The following CAMK1D variants were observed in gnomAD, a reference collection of about 807,000 sequenced individuals.
CAMK1D encodes calcium/calmodulin-dependent protein kinase type 1D.
CAMK1D carries 9 observed loss-of-function variants against 47.7 expected under a neutral mutation model. That is an observed-to-expected ratio of 0.19 (90% confidence interval 0.11 to 0.33). The LOEUF (loss-of-function observed/expected upper bound fraction) is 0.33, where lower values mean the gene tolerates loss of function less well. CAMK1D is among the 10% of genes least tolerant of loss of function. The pLI, the probability that CAMK1D is intolerant of heterozygous loss-of-function variation, is 1.00. For synonymous variants in CAMK1D, 184 were observed against 184.9 expected (o/e 0.99, Z 0.04); for missense variants, 291 against 488.7 (o/e 0.60, Z 3.81).
chr10:12,810,151 TAA>T (rs749675063), intron 6 of CAMK1D, among the ~76,000 whole-genome samples: 26 of 81,360 alleles, frequency 3.2e-4, no homozygotes, highest in Middle Eastern at 7.9e-3. Flanking sequence ...CCTGTCTCAT[TAA>T]AAAAAAAAAA....
At chr10:12,441,105 G>A (rs1011479206) in intron 1 of CAMK1D, among the ~76,000 whole-genome samples, 9 of 152,156 alleles carry the variant, frequency 5.9e-5, no homozygotes, top group Admixed American at 4.6e-4. Context: ...CCAATCATAC[G>A]TCAGCATGAC....
intron 6 of CAMK1D, among the ~76,000 whole-genome samples, chr10:12,811,594 A>G (rs965464737): frequency 6.6e-6 from 1 of 152,260 alleles, no homozygotes; most frequent in East Asian, 1.9e-4. Context: ...ACGGAAAGAA[A>G]AAAGAGCTAA....
At chr10:12,542,299 GC>G (rs989259635) in intron 1 of CAMK1D, among the ~76,000 whole-genome samples, 74 of 152,270 alleles carry the variant, frequency 4.9e-4, no homozygotes, top group African/African-American at 1.5e-3. Flanking sequence ...ACGTCTGCAG[GC>G]CCAGTTACAC....
intron 3 of CAMK1D, among the ~76,000 whole-genome samples, chr10:12,677,928 T>C (rs1481237318): frequency 1.3e-5 from 2 of 152,226 alleles, no homozygotes; most frequent in Non-Finnish European, 2.9e-5. Context: ...CTGCTGCTGC[T>C]TTGTCCTTCT....
chr10:12,580,224 G>A (rs1028176461), intron 2 of CAMK1D, among the ~76,000 whole-genome samples: 2 of 151,984 alleles, frequency 1.3e-5, no homozygotes, highest in Non-Finnish European at 1.5e-5. Context: ...TTAAGGCTAC[G>A]ATTTGCTCGT....
At chr10:12,570,899 C>T (rs566954375) in intron 2 of CAMK1D, among the ~76,000 whole-genome samples, 9 of 151,822 alleles carry the variant, frequency 5.9e-5, no homozygotes, top group East Asian at 3.9e-4. Flanking sequence ...TGTAGTGAGC[C>T]GAGATTGCGT....
At chr10:12,412,792 G>C (rs1177074249) in intron 1 of CAMK1D, among the ~76,000 whole-genome samples, 3 of 152,012 alleles carry the variant, frequency 2.0e-5, no homozygotes, top group Non-Finnish European at 2.9e-5. Flanking sequence ...TGGTGAAGTG[G>C]GGTGTTTGGT....
At chr10:12,557,332 G>T (rs1232832840) in intron 2 of CAMK1D, among the ~76,000 whole-genome samples, 1 of 152,004 alleles carries the variant, frequency 6.6e-6, no homozygotes, top group Non-Finnish European at 1.5e-5. Context: ...GGTGGATCAC[G>T]AGGTCAGGAG....
At chr10:12,529,383 A>G (rs192856850) in intron 1 of CAMK1D, among the ~76,000 whole-genome samples, 16 of 152,256 alleles carry the variant, frequency 1.1e-4, no homozygotes, top group Admixed American at 4.6e-4. Flanking sequence ...TACCTGCCAT[A>G]TACGAATGGT....
At chr10:12,698,159 C>G (rs1177006272) in intron 3 of CAMK1D, among the ~76,000 whole-genome samples, 3 of 152,168 alleles carry the variant, frequency 2.0e-5, no homozygotes, top group Non-Finnish European at 4.4e-5. Flanking sequence ...AAACATAATA[C>G]TTGCCCAAGA....
At chr10:12,475,140 TC>T (rs1461341829) in intron 1 of CAMK1D, among the ~76,000 whole-genome samples, 1 of 152,164 alleles carries the variant, frequency 6.6e-6, no homozygotes, top group African/African-American at 2.4e-5. Flanking sequence ...TGGGTCGAAT[TC>T]ATTGTAATCA....
At chr10:12,780,273 A>G (rs1837437779) in intron 5 of CAMK1D, among the ~76,000 whole-genome samples, 1 of 152,122 alleles carries the variant, frequency 6.6e-6, no homozygotes, top group African/African-American at 2.4e-5. Flanking sequence ...CCAGCAGGGG[A>G]CTTGAATGTA....
At chr10:12,827,278 T>TC (rs1833249152) in intron 10 of CAMK1D, among the ~76,000 whole-genome samples, 1 of 12,414 alleles carries the variant, frequency 8.1e-5, no homozygotes, top group African/African-American at 2.0e-4. Flanking sequence ...TTCTCTTTCT[T>TC]TTCTTTTTCT....
At chr10:12,672,088 T>C (rs1171130430) in intron 3 of CAMK1D, among the ~76,000 whole-genome samples, 1 of 151,570 alleles carries the variant, frequency 6.6e-6, no homozygotes, top group Non-Finnish European at 1.5e-5. Flanking sequence ...GCTAATTTTT[T>C]GTATTTTTAG....
chr10:12,803,184 C>G (rs993749118), intron 6 of CAMK1D, among the ~76,000 whole-genome samples: 1 of 152,238 alleles, frequency 6.6e-6, no homozygotes, highest in Admixed American at 6.5e-5. Context: ...GGCACGGTGA[C>G]AGCTCCGTAC....
intron 2 of CAMK1D, among the ~76,000 whole-genome samples, chr10:12,593,224 G>A (rs934768330): frequency 1.3e-5 from 2 of 152,080 alleles, no homozygotes; most frequent in Non-Finnish European, 2.9e-5. Flanking sequence ...CCCGTTTTAG[G>A]GCACTCTTTA....
intron 3 of CAMK1D, among the ~76,000 whole-genome samples, chr10:12,704,311 A>G (rs76442899): frequency 0.076 from 11,510 of 152,242 alleles, 888 homozygotes; most frequent in African/African-American, 0.19. Context: ...GCAGGCTGCC[A>G]TCATTGCTGG....
Position 12,829,123 on chromosome 10 carries a change from C to G in CAMK1D, c.*236C>G. The G allele has an allele frequency of 2.2e-6, 1 of 446,566 alleles. No individual in the cohort carries two copies. The allele number at this position is 446,566 out of a possible 1,614,324, so 27.7% of individuals were successfully genotyped here. ...TTCATAGGATCTGGTGCTGTATATA[C>G]GAATCTTGCAAAGCTCTAACTGAAC... On this transcript the variant is annotated 3_prime_UTR_variant, in exon 11 of 11. Coordinates refer to ENST00000619168, the MANE Select transcript of CAMK1D (RefSeq NM_153498.4).
intron 1 of CAMK1D, among the ~76,000 whole-genome samples, chr10:12,383,928 A>T (rs1315041836): frequency 2.0e-5 from 3 of 152,224 alleles, no homozygotes; most frequent in Non-Finnish European, 2.9e-5. Flanking sequence ...CTCTATTTGC[A>T]GATGAGATGA....
Sources: allele counts gnomAD v4.1 joint callset (sites outside exome capture counted in the v4.1 genomes callset), GRCh38; gene constraint gnomAD v4.1.1; transcripts MANE v1.5; gene names NCBI Gene and HGNC (gene_info 2026-07-23, HGNC 2026-07-21).